Variants in SPAG16 observed in about 807,000 individuals in gnomAD.
SPAG16 encodes sperm associated antigen 16.
In SPAG16, 86 loss-of-function variants were observed where a neutral mutation model predicts 80.4. The observed-to-expected ratio is 1.07, with a 90% CI of 0.90 to 1.28. The LOEUF is 1.28. SPAG16 is among the 50% of genes most tolerant of loss of function. The probability of loss-of-function intolerance (pLI) is 0.00; values close to 1 mark genes in which losing one functional copy is unlikely to be tolerated. For missense variants in SPAG16, 870 were observed against 765.3 expected (o/e 1.14, Z -1.61); for synonymous variants, 294 against 265.9 (o/e 1.11, Z -1.03).
At chr2:213,367,809 A>G (rs2066398557) in intron 8 of SPAG16, among the ~76,000 whole-genome samples, 1 of 145,292 alleles carries the variant, frequency 6.9e-6, no homozygotes, top group African/African-American at 2.5e-5. Flanking sequence ...CCATTTGTCA[A>G]TTTTGGCTTT....
intron 15 of SPAG16, chr2:214,238,578 C>A (rs1165343569): frequency 6.6e-6 from 1 of 151,012 alleles, no homozygotes; most frequent in Non-Finnish European, 1.5e-5. Flanking sequence ...GCTGAAGATA[C>A]TTTGTTAAAT....
intron 10 of SPAG16, among the ~76,000 whole-genome samples, chr2:213,525,200 C>G (rs919648285): frequency 5.2e-4 from 79 of 151,628 alleles, no homozygotes; most frequent in African/African-American, 1.4e-3. Context: ...GACATATTTG[C>G]TTTCCTTTTG....
intron 15 of SPAG16, among the ~76,000 whole-genome samples, chr2:214,334,147 C>T (rs1419004282): frequency 6.6e-6 from 1 of 152,168 alleles, no homozygotes; most frequent in African/African-American, 2.4e-5. Context: ...TCATCTATCT[C>T]CTTCGGCATG....
At chr2:213,441,585 A>C (rs74517571) in intron 9 of SPAG16, among the ~76,000 whole-genome samples, 3,906 of 152,278 alleles carry the variant, frequency 0.026, 160 homozygotes, top group African/African-American at 0.088. Context: ...TATTTTTGTA[A>C]AAATGAATTG....
chr2:214,037,232 T>C (rs2048744635), intron 13 of SPAG16, among the ~76,000 whole-genome samples: 1 of 151,906 alleles, frequency 6.6e-6, no homozygotes, highest in Non-Finnish European at 1.5e-5. Flanking sequence ...TACACATATA[T>C]GTGTATGTTT....
intron 14 of SPAG16, among the ~76,000 whole-genome samples, chr2:214,140,973 G>C (rs1233092654): frequency 6.7e-6 from 1 of 149,060 alleles, no homozygotes; most frequent in Non-Finnish European, 1.5e-5. Flanking sequence ...GTGACAGAGA[G>C]AGAGATATAT....
chr2:213,986,085 T>A (rs1157056865), intron 12 of SPAG16, among the ~76,000 whole-genome samples: 1 of 152,044 alleles, frequency 6.6e-6, no homozygotes, highest in African/African-American at 2.4e-5. Flanking sequence ...GCTTAAAGAA[T>A]AGGGAGGCTT....
intron 15 of SPAG16, among the ~76,000 whole-genome samples, chr2:214,267,922 A>G (rs1386691029): frequency 6.6e-6 from 1 of 151,948 alleles, no homozygotes; most frequent in Non-Finnish European, 1.5e-5. Context: ...CAACTCATAT[A>G]TCAAACAAGA....
intron 10 of SPAG16, among the ~76,000 whole-genome samples, chr2:213,694,430 CATTT>C (rs1281310592): frequency 1.3e-5 from 2 of 152,158 alleles, no homozygotes; most frequent in African/African-American, 4.8e-5. Context: ...CACTATCATT[CATTT>C]ATTTAATGAA....
intron 13 of SPAG16, among the ~76,000 whole-genome samples, chr2:214,077,124 G>A (rs769315989): frequency 1.2e-4 from 18 of 152,108 alleles, no homozygotes; most frequent in Non-Finnish European, 2.2e-4. Context: ...TCATTAGTTT[G>A]ATTACATGTA....
intron 5 of SPAG16, among the ~76,000 whole-genome samples, chr2:213,337,694 G>GA (rs1288917655): frequency 6.6e-6 from 1 of 151,884 alleles, no homozygotes; most frequent in Non-Finnish European, 1.5e-5. Context: ...GAAAAGGAAT[G>GA]AAAAAAACCT....
At chr2:214,230,955 G>A (rs558351870) in intron 15 of SPAG16, among the ~76,000 whole-genome samples, 1 of 151,996 alleles carries the variant, frequency 6.6e-6, no homozygotes, top group Non-Finnish European at 1.5e-5. Flanking sequence ...GACAGTTATT[G>A]AGAAACCATA....
At chr2:213,737,001 C>T (rs1356140327) in intron 10 of SPAG16, among the ~76,000 whole-genome samples, 2 of 152,204 alleles carry the variant, frequency 1.3e-5, no homozygotes, top group African/African-American at 2.4e-5. Flanking sequence ...CCACCATGCC[C>T]AGCCCAATGC....
intron 12 of SPAG16, among the ~76,000 whole-genome samples, chr2:213,983,669 C>A (rs958318384): frequency 6.6e-6 from 1 of 151,826 alleles, no homozygotes; most frequent in African/African-American, 2.4e-5. Context: ...CACACTTTCC[C>A]CAAAGAAAGT....
chr2:213,714,711 T>C (rs1211765462), intron 10 of SPAG16, among the ~76,000 whole-genome samples: 1 of 152,104 alleles, frequency 6.6e-6, no homozygotes, highest in Non-Finnish European at 1.5e-5. Context: ...AATGCAGAAA[T>C]TCATAACACT....
intron 10 of SPAG16, among the ~76,000 whole-genome samples, chr2:213,837,071 G>A: frequency 6.6e-6 from 1 of 152,146 alleles, no homozygotes; most frequent in East Asian, 1.9e-4. Flanking sequence ...AATTCCGCCT[G>A]CTCTTGTTGC....
intron 5 of SPAG16, among the ~76,000 whole-genome samples, chr2:213,339,849 G>A (rs938572391): frequency 2.0e-5 from 3 of 152,000 alleles, no homozygotes; most frequent in Admixed American, 1.3e-4. Context: ...AAGCCAAAAA[G>A]GTTCTCTTTG....
chr2:213,369,191 C>T (rs2125162548), intron 8 of SPAG16, among the ~76,000 whole-genome samples: 1 of 152,076 alleles, frequency 6.6e-6, no homozygotes, highest in East Asian at 1.9e-4. Context: ...TTTTGCAAGC[C>T]TATCTGTACA....
intron 6 of SPAG16, among the ~76,000 whole-genome samples, chr2:213,341,508 A>G (rs971040293): frequency 6.6e-6 from 1 of 152,044 alleles, no homozygotes; most frequent in South Asian, 2.1e-4. Flanking sequence ...TTGATAATAA[A>G]TTTTACAGTA....
Sources: allele counts gnomAD v4.1 joint callset (sites outside exome capture counted in the v4.1 genomes callset), GRCh38; gene constraint gnomAD v4.1.1; transcripts MANE v1.5; gene names NCBI Gene and HGNC (gene_info 2026-07-23, HGNC 2026-07-21).